The following ERC2 variants were observed in gnomAD, a reference collection of about 807,000 sequenced individuals.
The protein encoded by ERC2 is ELKS/RAB6-interacting/CAST family member 2.
A neutral mutation model predicts 114.8 loss-of-function variants in ERC2; 42 were observed. The observed-to-expected ratio is 0.37, with a 90% CI of 0.29 to 0.47. The LOEUF is 0.47. Ranked by LOEUF, ERC2 falls within the 20% of genes least tolerant of loss-of-function variation. The pLI is 0.99. For synonymous variants in ERC2, 454 were observed against 425.5 expected (o/e 1.07, Z -0.82); for missense variants, 939 against 1,150.7 (o/e 0.82, Z 2.66).
chr3:56,432,786 A>G (rs2061849378), intron 2 of ERC2, among the ~76,000 whole-genome samples: 1 of 152,222 alleles, frequency 6.6e-6, no homozygotes, highest in African/African-American at 2.4e-5. Context: ...TCACTTGTTC[A>G]GTCAACTTAG....
chr3:56,301,593 G>A (rs2055878336), intron 2 of ERC2, among the ~76,000 whole-genome samples: 1 of 151,954 alleles, frequency 6.6e-6, no homozygotes, highest in Non-Finnish European at 1.5e-5. Context: ...TTACCAAGCT[G>A]GGCACAGTGG....
intron 13 of ERC2, among the ~76,000 whole-genome samples, chr3:55,945,749 C>T (rs1186595734): frequency 6.6e-6 from 1 of 151,568 alleles, no homozygotes; most frequent in African/African-American, 2.4e-5. Flanking sequence ...TAAATGAGAA[C>T]ATTCATTTGC....
At chr3:56,437,800 T>C (rs377370311) in intron 1 of ERC2, among the ~76,000 whole-genome samples, 1 of 152,198 alleles carries the variant, frequency 6.6e-6, no homozygotes, top group African/African-American at 2.4e-5. Context: ...GATAATGGAA[T>C]AGTGGAACAG....
At chr3:55,626,259 A>T (rs1202950861) in intron 17 of ERC2, among the ~76,000 whole-genome samples, 3 of 152,150 alleles carry the variant, frequency 2.0e-5, no homozygotes, top group African/African-American at 7.2e-5. Flanking sequence ...TATTTGGAAA[A>T]CAAGTTTTGA....
intron 2 of ERC2, among the ~76,000 whole-genome samples, chr3:56,405,644 C>CAGAT (rs59698815): frequency 0.43 from 64,627 of 151,218 alleles, 14,481 homozygotes; most frequent in African/African-American, 0.54. Context: ...GATACATAGA[C>CAGAT]AGATAGATAG....
intron 17 of ERC2, among the ~76,000 whole-genome samples, chr3:55,518,795 C>T (rs1471649766): frequency 1.3e-5 from 2 of 152,188 alleles, no homozygotes; most frequent in African/African-American, 4.8e-5. Flanking sequence ...ACAGAATAAC[C>T]ACACGTTGTG....
chr3:55,683,352 T>C (rs1187125074), intron 17 of ERC2, among the ~76,000 whole-genome samples: 1 of 152,192 alleles, frequency 6.6e-6, no homozygotes, highest in Non-Finnish European at 1.5e-5. Flanking sequence ...TTATTTTCCT[T>C]ATTCCTTGCC....
intron 14 of ERC2, among the ~76,000 whole-genome samples, chr3:55,834,288 C>A (rs1438369778): frequency 6.6e-6 from 1 of 152,042 alleles, no homozygotes; most frequent in Non-Finnish European, 1.5e-5. Flanking sequence ...ACTCTCCACC[C>A]CAAATCAACA....
chr3:55,784,504 T>A (rs368616308), intron 14 of ERC2, among the ~76,000 whole-genome samples: 3 of 152,186 alleles, frequency 2.0e-5, no homozygotes, highest in Non-Finnish European at 4.4e-5. Flanking sequence ...CCTTGTGACG[T>A]TGAAATTCTT....
At chr3:55,735,969 T>A (rs962483636) in intron 14 of ERC2, among the ~76,000 whole-genome samples, 2 of 152,160 alleles carry the variant, frequency 1.3e-5, no homozygotes, top group Non-Finnish European at 2.9e-5. Flanking sequence ...CTTTCCTTCT[T>A]TCTCTATCCA....
At chr3:55,846,536 T>C (rs1258064056) in intron 14 of ERC2, among the ~76,000 whole-genome samples, 3 of 152,226 alleles carry the variant, frequency 2.0e-5, no homozygotes, top group African/African-American at 2.4e-5. Flanking sequence ...CTGGGTCAAA[T>C]GGTAGTTCTG....
At chr3:56,111,037 A>T (rs1048191695) in intron 6 of ERC2, among the ~76,000 whole-genome samples, 1 of 152,098 alleles carries the variant, frequency 6.6e-6, no homozygotes, top group African/African-American at 2.4e-5. Context: ...ACAGTGGCTC[A>T]AGGACTCTAA....
chr3:55,870,978 G>T (rs1293085675), intron 14 of ERC2, among the ~76,000 whole-genome samples: 1 of 152,120 alleles, frequency 6.6e-6, no homozygotes. Context: ...ACGGCATTTT[G>T]AATCAATCCT....
intron 14 of ERC2, among the ~76,000 whole-genome samples, chr3:55,804,793 G>T (rs74355172): frequency 6.6e-6 from 1 of 152,010 alleles, no homozygotes; most frequent in African/African-American, 2.4e-5. Context: ...TCTTTTCACT[G>T]CTTCAGTCCG....
At chr3:55,924,785 T>C (rs1198388527) in intron 13 of ERC2, among the ~76,000 whole-genome samples, 1 of 152,136 alleles carries the variant, frequency 6.6e-6, no homozygotes, top group Non-Finnish European at 1.5e-5. Context: ...GGGGAGTCAC[T>C]CCTCAATTTC....
intron 3 of ERC2, among the ~76,000 whole-genome samples, chr3:56,200,394 T>C (rs2048345067): frequency 6.6e-6 from 1 of 150,662 alleles, no homozygotes; most frequent in Admixed American, 6.6e-5. Context: ...AAGAAAAATA[T>C]CTTTCCTCCC....
intron 2 of ERC2, among the ~76,000 whole-genome samples, chr3:56,410,382 A>G (rs139610745): frequency 8.1e-4 from 124 of 152,350 alleles, no homozygotes; most frequent in African/African-American, 2.7e-3. Context: ...AAATTACTCT[A>G]TAGAGAGCTC....
chr3:55,963,251 A>G (rs1304168546), intron 12 of ERC2, among the ~76,000 whole-genome samples: 1 of 152,260 alleles, frequency 6.6e-6, no homozygotes, highest in Non-Finnish European at 1.5e-5. Context: ...ATAAGGTTCT[A>G]TGGATGGATA....
intron 17 of ERC2, among the ~76,000 whole-genome samples, chr3:55,578,032 C>T (rs1003951904): frequency 6.6e-6 from 1 of 152,196 alleles, no homozygotes; most frequent in Non-Finnish European, 1.5e-5. Flanking sequence ...ACTGGGTAAA[C>T]AGCAGGCTCT....
Sources: gnomAD v4.1 joint callset for allele counts (sites outside exome capture counted in the v4.1 genomes callset) on GRCh38, gnomAD v4.1.1 for gene constraint, MANE v1.5 for transcripts, NCBI Gene and HGNC (gene_info 2026-07-23, HGNC 2026-07-21) for gene names.